Variants in RELN observed in about 807,000 individuals in gnomAD.
The protein encoded by RELN is reelin.
A neutral mutation model predicts 427.6 loss-of-function variants in RELN; 108 were observed. That is an observed-to-expected ratio of 0.25 (90% CI 0.22 to 0.30). The LOEUF is 0.30. Ranked by LOEUF, RELN falls within the 10% of genes least tolerant of loss-of-function variation. RELN has a pLI of 1.00. For missense variants in RELN, 3,715 were observed against 4,302.8 expected, an observed-to-expected ratio of 0.86 and a Z score of 3.82; for synonymous variants, 1,524 against 1,513.4, an observed-to-expected ratio of 1.01 and a Z score of -0.16.
intron 2 of RELN, among the ~76,000 whole-genome samples, chr7:103,899,906 T>C (rs10458284): frequency 0.43 from 65,354 of 151,930 alleles, 14,502 homozygotes; most frequent in East Asian, 0.74. Context: ...GATGCCCTCT[T>C]TCACCACTCC....
chr7:103,944,053 A>G (rs1323811042), intron 1 of RELN, among the ~76,000 whole-genome samples: 1 of 151,996 alleles, frequency 6.6e-6, no homozygotes, highest in Non-Finnish European at 1.5e-5. Flanking sequence ...GAGATCAAAC[A>G]GGGGCTGGAA....
At chr7:103,655,465 C>T (rs1318684947) in intron 12 of RELN, among the ~76,000 whole-genome samples, 1 of 151,898 alleles carries the variant, frequency 6.6e-6, no homozygotes, top group Non-Finnish European at 1.5e-5. Context: ...ATAAAACTAC[C>T]CTCTGAGAGT....
intron 2 of RELN, 91 bp downstream of exon 2, chr7:103,916,984 G>C (rs1434344244): frequency 1.6e-5 from 15 of 966,694 alleles, no homozygotes; most frequent in Middle Eastern, 4.2e-4. Context: ...AAGTAATAAA[G>C]GTCTAACACT....
rs868752267 is a variant in RELN, at chr7:103,909,730, T to A, written c.337+7345A>T. ...TATATAAATATATATTAAATATATT[T>A]TTTAATATATATAAATATATATATT... On this transcript the variant is annotated intron_variant, in intron 2 of 64. Coordinates refer to ENST00000428762, the MANE Select transcript of RELN (RefSeq NM_005045.4). 5.7e-3 allele frequency among the ~76,000 whole-genome samples: 192 copies of A among 33,968 alleles called. 15 individuals carry two copies. The highest frequency in any genetic ancestry group is 0.02 in the African/African-American group (124 of 6,214). 22.3% of individuals were successfully genotyped at this position (33,968 alleles called of 152,430 possible). A position where few individuals can be genotyped will look rare whatever the true frequency, so the allele number is the denominator to read the frequency against.
In RELN at chr7:103,563,214, A is replaced by T. The variant is rs1256814136; in HGVS notation, c.5211-1261T>A. On this transcript the variant is annotated intron_variant, in intron 34 of 64. Transcript: ENST00000428762. The surrounding 1 kb of genome is among the most constrained non-coding windows in gnomAD (Gnocchi z 4.1). ...CTTAGAGGTTTGTTATCCTAAATAC[A>T]GTGATGTGCTGCATAATGACGTTTC... Among the ~76,000 whole-genome samples the T allele has an allele frequency of 1.3e-5, 2 of 152,186 alleles. No homozygotes were observed. The highest frequency in any genetic ancestry group is 2.9e-5 in the Non-Finnish European group (2 of 68,044).
intron 14 of RELN, among the ~76,000 whole-genome samples, chr7:103,652,206 T>C (rs1341259038): frequency 1.3e-5 from 2 of 150,568 alleles, no homozygotes; most frequent in Non-Finnish European, 2.9e-5. Context: ...ATGCTTATTA[T>C]TAGCAGGTCA....
chr7:103,981,463 T>C (rs1796989137), intron 1 of RELN, among the ~76,000 whole-genome samples: 1 of 152,216 alleles, frequency 6.6e-6, no homozygotes, highest in Non-Finnish European at 1.5e-5. Flanking sequence ...ACCTCAGTTT[T>C]ATCAAGGTTA....
rs10631941 is a variant in RELN, at chr7:103,943,848, C to CAAAAAAA, written c.227-26670_227-26664dup. Among the ~76,000 whole-genome samples, 267 of 76,264 alleles carry CAAAAAAA rather than the reference C, an allele frequency of 3.5e-3. 7 individuals carry two copies. The highest frequency in any genetic ancestry group is 0.01 in the African/African-American group (172 of 16,942). 50.0% of individuals were successfully genotyped at this position (76,264 alleles called of 152,430 possible). A position where few individuals can be genotyped will look rare whatever the true frequency, so the allele number is the denominator to read the frequency against. On this transcript the variant is annotated intron_variant, in intron 1 of 64. Transcript: ENST00000428762. ...GGGGAATGGAGCAAGATTCTGTCTC[C>CAAAAAAA]AAAAAAAAAAAAAAAAAAAAAGAAT... is the stretch of plus-strand genomic sequence containing the variant.
chr7:103,765,131 G>A (rs1414091521), intron 4 of RELN, among the ~76,000 whole-genome samples: 1 of 152,176 alleles, frequency 6.6e-6, no homozygotes, highest in Non-Finnish European at 1.5e-5. Flanking sequence ...GGTACCCGAA[G>A]TTCAGGATGA....
At position 103,652,532 on chromosome 7, in the gene RELN, A is replaced by G. The variant is rs988534310; in HGVS notation, c.1763+19T>C. 6.2e-7 allele frequency: 1 copy of G among 1,604,538 alleles called. No individual in the cohort carries two copies. Among genetic ancestry groups the G allele is most frequent in the Admixed American group, 1.7e-5 (1 of 59,766 alleles). ...AACTCATTTTTAGTTTTGCACACTT[A>G]CAAAATAGGGCTTCCTACCTGTTAC... On this transcript the variant is annotated intron_variant, in intron 14 of 64. Coordinates refer to ENST00000428762, the MANE Select transcript of RELN (RefSeq NM_005045.4).
intron 2 of RELN, among the ~76,000 whole-genome samples, chr7:103,895,298 A>G (rs1374698046): frequency 6.8e-6 from 1 of 146,828 alleles, no homozygotes; most frequent in African/African-American, 2.5e-5. Flanking sequence ...TTGTAACAGG[A>G]AAAAAAAAAG....
At chr7:103,679,430 G>C (rs1213279376) in intron 11 of RELN, among the ~76,000 whole-genome samples, 5 of 152,188 alleles carry the variant, frequency 3.3e-5, no homozygotes, top group African/African-American at 9.7e-5. Flanking sequence ...GCAGAGCAAT[G>C]AGAGTGGTAC....
At chr7:103,576,381 C>T (rs562893795) in intron 28 of RELN, among the ~76,000 whole-genome samples, 12 of 152,274 alleles carry the variant, frequency 7.9e-5, no homozygotes, top group Non-Finnish European at 1.3e-4. Flanking sequence ...TTTATGTGAT[C>T]TGCCCGCCTC....
intron 48 of RELN, among the ~76,000 whole-genome samples, chr7:103,520,957 A>AT (rs55830035): frequency 0.02 from 1,582 of 79,154 alleles, 270 homozygotes; most frequent in African/African-American, 0.062. Context: ...TAAATTTGTT[A>AT]TTTTTTTTTT....
chr7:103,674,723 T>C (rs1833475041), intron 11 of RELN, among the ~76,000 whole-genome samples: 2 of 152,202 alleles, frequency 1.3e-5, no homozygotes, highest in Non-Finnish European at 2.9e-5. Context: ...GATGCAAGCC[T>C]GGTTCAACAC....
intron 1 of RELN, among the ~76,000 whole-genome samples, chr7:103,948,002 T>C (rs1181470339): frequency 6.6e-6 from 1 of 152,180 alleles, no homozygotes; most frequent in East Asian, 1.9e-4. Context: ...GAAAAAGGTA[T>C]AAAAAATAAT....
At chr7:103,949,477 G>A (rs535788984) in intron 1 of RELN, among the ~76,000 whole-genome samples, 4 of 152,132 alleles carry the variant, frequency 2.6e-5, no homozygotes, top group South Asian at 4.1e-4. Flanking sequence ...CCTCACGAAC[G>A]CGATTAGTGC....
intron 8 of RELN, among the ~76,000 whole-genome samples, chr7:103,709,390 T>C (rs951424215): frequency 2.0e-5 from 3 of 152,226 alleles, no homozygotes; most frequent in Non-Finnish European, 2.9e-5. Flanking sequence ...GTTAAAGATA[T>C]GGCGACTGCT....
intron 1 of RELN, among the ~76,000 whole-genome samples, chr7:103,938,617 G>C (rs1399295940): frequency 1.3e-5 from 2 of 152,152 alleles, no homozygotes; most frequent in Non-Finnish European, 2.9e-5. Flanking sequence ...ATCTAATTAT[G>C]TTGTGTTTCA....
Sources: allele counts gnomAD v4.1 joint callset (sites outside exome capture counted in the v4.1 genomes callset), GRCh38; gene constraint gnomAD v4.1.1; non-coding constraint Gnocchi (gnomAD v3.1); transcripts MANE v1.5; gene names NCBI Gene and HGNC (gene_info 2026-07-23, HGNC 2026-07-21).